Variants in CEP97 observed in about 807,000 individuals in gnomAD.
The protein encoded by CEP97 is centrosomal protein of 97 kDa.
CEP97 carries 43 observed loss-of-function variants against 73.1 expected under a neutral mutation model. The observed-to-expected ratio is 0.59, with a 90% CI of 0.46 to 0.76. The LOEUF (loss-of-function observed/expected upper bound fraction) is 0.76, where lower values mean the gene tolerates loss of function less well. Among genes scored for constraint, CEP97 ranks in the 30% least tolerant of loss-of-function variants. CEP97 has a pLI of 0.00. For missense variants in CEP97, 939 were observed against 1,014.0 expected (o/e 0.93, Z 1.00); for synonymous variants, 337 against 370.0 (o/e 0.91, Z 1.02).
intron 6 of CEP97, among the ~76,000 whole-genome samples, chr3:101,748,051 G>T (rs1235725000): frequency 6.8e-6 from 1 of 146,670 alleles, no homozygotes; most frequent in Non-Finnish European, 1.5e-5. Flanking sequence ...AGGATTGAGT[G>T]AGCCCAGCAG....
chr3:101,763,928 C>G (rs1939238701), intron 10 of CEP97, among the ~76,000 whole-genome samples: 1 of 119,960 alleles, frequency 8.3e-6, no homozygotes, highest in African/African-American at 3.0e-5. Flanking sequence ...TTATTGACCC[C>G]TTAGTCAGCT....
chr3:101,737,567 A>G (rs1238116809), intron 6 of CEP97, among the ~76,000 whole-genome samples: 3 of 152,244 alleles, frequency 2.0e-5, no homozygotes, highest in South Asian at 2.1e-4. Context: ...TTTTCAACCC[A>G]GAATTTCATA....
At chr3:101,749,051 A>T (rs1053305812) in intron 6 of CEP97, among the ~76,000 whole-genome samples, 12 of 152,058 alleles carry the variant, frequency 7.9e-5, no homozygotes, top group African/African-American at 2.9e-4. Context: ...CGTGCAGGTT[A>T]GTTACATATG....
At chr3:101,731,719 T>A (rs538289552) in intron 4 of CEP97, 121 bp from the exon 5 acceptor site, 13 of 620,418 alleles carry the variant, frequency 2.1e-5, no homozygotes, top group Non-Finnish European at 3.4e-5. Context: ...GATTTGTGTG[T>A]GATGAGAAAT....
At position 101,724,736 on chromosome 3, in the gene CEP97, C is replaced by T. The variant is rs368851013; in HGVS notation, c.43+17C>T. ...CCGGAGAAGGTAAGGCGATCCCTAC[C>T]CCGAGTCCTAAGGTTTACTTCACGG... On this transcript the variant is annotated intron_variant, in intron 1 of 10. Coordinates refer to ENST00000341893, the MANE Select transcript of CEP97 (RefSeq NM_024548.4). 11 of 1,613,614 alleles carry T rather than the reference C, an allele frequency of 6.8e-6. No individual in the cohort carries two copies. The African/African-American group carries it at 1.3e-4, about 20-fold the overall frequency.
chr3:101,725,581 C>G (rs931315720), intron 1 of CEP97, among the ~76,000 whole-genome samples: 1 of 152,150 alleles, frequency 6.6e-6, no homozygotes, highest in Non-Finnish European at 1.5e-5. Flanking sequence ...ACAGCACACC[C>G]CTTTCATCAA....
intron 6 of CEP97, among the ~76,000 whole-genome samples, chr3:101,748,239 GT>G (rs1378084517): frequency 7.7e-5 from 11 of 142,704 alleles, no homozygotes; most frequent in East Asian, 2.0e-4. Flanking sequence ...TTTGTTTTTG[GT>G]TTTTTTTTTA....
intron 6 of CEP97, among the ~76,000 whole-genome samples, chr3:101,742,920 T>G (rs1279490032): frequency 1.3e-5 from 2 of 152,084 alleles, no homozygotes; most frequent in Non-Finnish European, 2.9e-5. Context: ...AATAATATTT[T>G]AAAATATCCT....
chr3:101,742,048 A>C (rs986919302), intron 6 of CEP97, among the ~76,000 whole-genome samples: 3 of 137,664 alleles, frequency 2.2e-5, no homozygotes, highest in African/African-American at 7.8e-5. Flanking sequence ...TCTCAAAAAA[A>C]AAAAAACAAA....
intron 1 of CEP97, 91 bp from the exon 2 acceptor site, chr3:101,726,503 G>A (rs530077719): frequency 2.2e-6 from 2 of 893,140 alleles, no homozygotes; most frequent in African/African-American, 1.7e-5. Flanking sequence ...ACTTGAAATG[G>A]TATAGAGATT....
chr3:101,753,637 C>T (rs1328010376), intron 6 of CEP97, among the ~76,000 whole-genome samples: 1 of 152,222 alleles, frequency 6.6e-6, no homozygotes, highest in African/African-American at 2.4e-5. Context: ...CTTGCTGCTG[C>T]CTTGCAGTTT....
intron 4 of CEP97, among the ~76,000 whole-genome samples, chr3:101,731,550 CA>C (rs1416393633): frequency 6.6e-6 from 1 of 152,132 alleles, no homozygotes; most frequent in Non-Finnish European, 1.5e-5. Flanking sequence ...AGAAATTGCT[CA>C]GTGTCTCATA....
chr3:101,734,576 A>G (rs2107140028), intron 6 of CEP97, among the ~76,000 whole-genome samples: 2 of 152,274 alleles, frequency 1.3e-5, no homozygotes, highest in South Asian at 4.1e-4. Flanking sequence ...GCCGTGAGGA[A>G]TGGCAGCCAA....
intron 4 of CEP97, 131 bp downstream of exon 4, chr3:101,729,068 G>T: frequency 1.6e-6 from 1 of 622,510 alleles, no homozygotes; most frequent in East Asian, 2.8e-5. Context: ...TATGGGCTGG[G>T]CATGGTGGGT....
At chr3:101,737,210 C>T (rs575531782) in intron 6 of CEP97, among the ~76,000 whole-genome samples, 8 of 152,160 alleles carry the variant, frequency 5.3e-5, no homozygotes, top group Admixed American at 1.3e-4. Context: ...CCAAACTTAA[C>T]GTTTTATTGG....
At chr3:101,732,913 C>T (rs776470536) in intron 6 of CEP97, among the ~76,000 whole-genome samples, 8 of 151,380 alleles carry the variant, frequency 5.3e-5, no homozygotes, top group Non-Finnish European at 1.2e-4. Context: ...TTGCTTGAGC[C>T]CAGGAGTTTG....
At chr3:101,726,534 T>C in intron 1 of CEP97, 60 bp from the exon 2 acceptor site, 1 of 1,310,324 alleles carries the variant, frequency 7.6e-7, no homozygotes, top group Non-Finnish European at 1.0e-6. Context: ...AGCCCTATGC[T>C]TAGCTGTTGT....
chr3:101,764,724 A>C (rs1939262539), intron 10 of CEP97, 123 bp from the exon 11 acceptor site: 1 of 760,874 alleles, frequency 1.3e-6, no homozygotes, highest in Non-Finnish European at 2.0e-6. Flanking sequence ...TTGATGCTGC[A>C]GTGAGCCATG....
intron 8 of CEP97, 115 bp from the exon 9 acceptor site, chr3:101,757,519 C>T (rs1312309686): frequency 3.9e-5 from 37 of 944,024 alleles, no homozygotes; most frequent in Non-Finnish European, 5.4e-5. Context: ...TGGAAGAAGT[C>T]ACTGAGGGGA....
Sources: allele counts gnomAD v4.1 joint callset (sites outside exome capture counted in the v4.1 genomes callset), GRCh38; gene constraint gnomAD v4.1.1; transcripts MANE v1.5; gene names NCBI Gene and HGNC (gene_info 2026-07-23, HGNC 2026-07-21).